STXBP5L: variants seen among roughly 807,000 people sequenced by gnomAD.
The protein encoded by STXBP5L is syntaxin binding protein 5L.
STXBP5L carries 65 observed loss-of-function variants against 144.5 expected under a neutral mutation model. The observed-to-expected ratio is 0.45, with a 90% confidence interval of 0.37 to 0.55. STXBP5L has a LOEUF of 0.55. Among genes scored for constraint, STXBP5L ranks in the 20% least tolerant of loss-of-function variants. The pLI is 0.00. For synonymous variants in STXBP5L, 505 were observed against 469.6 expected, an observed-to-expected ratio of 1.08 and a Z score of -0.97; for missense variants, 1,298 against 1,405.5, an observed-to-expected ratio of 0.92 and a Z score of 1.22.
intron 3 of STXBP5L, among the ~76,000 whole-genome samples, chr3:121,031,954 A>G (rs752492049): frequency 3.3e-5 from 5 of 152,170 alleles, no homozygotes; most frequent in Non-Finnish European, 5.9e-5. Flanking sequence ...GAAAAAGCAA[A>G]GCAGGATTTG....
At position 121,031,401 on chromosome 3, in the gene STXBP5L, CATCA is replaced by C. The variant is rs10650502; in HGVS notation, c.288-10285_288-10282del. Among the ~76,000 whole-genome samples the C allele has an allele frequency of 1.6e-3, 240 of 151,068 alleles. 1 individual carries two copies. The highest frequency in any genetic ancestry group is 3.5e-3 in the Middle Eastern group (1 of 288). On this transcript the variant is annotated intron_variant, in intron 3 of 26. Transcript: ENST00000471454. ...GTATATATTTCTATTTCTGTCTATT[CATCA>C]ATCAATCAATCAACTATCTAGATTG...
At chr3:121,129,119 T>G (rs1375331605) in intron 7 of STXBP5L, among the ~76,000 whole-genome samples, 1 of 152,040 alleles carries the variant, frequency 6.6e-6, no homozygotes, top group Non-Finnish European at 1.5e-5. Context: ...TTGGCCCAAG[T>G]CTAATCTCAC....
At chr3:121,352,785 T>A (rs113762840) in intron 20 of STXBP5L, among the ~76,000 whole-genome samples, 1 of 152,112 alleles carries the variant, frequency 6.6e-6, no homozygotes, top group African/African-American at 2.4e-5. Context: ...TGCTTCCAAT[T>A]TTTGCTCATT....
At chr3:121,353,320 T>G (rs2045374753) in intron 20 of STXBP5L, among the ~76,000 whole-genome samples, 1 of 152,182 alleles carries the variant, frequency 6.6e-6, no homozygotes, top group South Asian at 2.1e-4. Flanking sequence ...CCTGGACTTT[T>G]TTTCGTTGGT....
chr3:121,383,164 C>G (rs2046356578), intron 22 of STXBP5L, among the ~76,000 whole-genome samples: 1 of 151,936 alleles, frequency 6.6e-6, no homozygotes, highest in African/African-American at 2.4e-5. Context: ...TTGCTGGGTG[C>G]AGTGGCTCAC....
intron 22 of STXBP5L, among the ~76,000 whole-genome samples, chr3:121,389,232 T>C (rs952499995): frequency 6.6e-6 from 1 of 152,244 alleles, no homozygotes; most frequent in African/African-American, 2.4e-5. Context: ...GGATGAGTGG[T>C]GATATCCCTT....
At chr3:121,049,642 C>G (rs572840886) in intron 5 of STXBP5L, 112 of 154,324 alleles carry the variant, frequency 7.3e-4, no homozygotes, top group African/African-American at 2.5e-3. Context: ...GTGTCCCAGG[C>G]CCATGGGTCT....
chr3:121,209,381 C>T (rs1383201699), intron 10 of STXBP5L, among the ~76,000 whole-genome samples: 1 of 152,004 alleles, frequency 6.6e-6, no homozygotes, highest in East Asian at 1.9e-4. Flanking sequence ...AATTTACACT[C>T]CCAACAACAC....
intron 23 of STXBP5L, among the ~76,000 whole-genome samples, chr3:121,412,169 TGACTTAAAGTTTGATG>T (rs1166736095): frequency 6.6e-6 from 1 of 152,102 alleles, no homozygotes; most frequent in Admixed American, 6.6e-5. Context: ...TGTCTTACTG[TGACTTAAAGTTTGATG>T]GAGAGAAAAC....
chr3:121,106,766 G>A (rs2043733326), intron 5 of STXBP5L, among the ~76,000 whole-genome samples: 1 of 152,068 alleles, frequency 6.6e-6, no homozygotes, highest in Non-Finnish European at 1.5e-5. Context: ...CCCAGTAATG[G>A]GATTGCTGGG....
At chr3:121,057,036 A>G (rs1473787208) in intron 5 of STXBP5L, among the ~76,000 whole-genome samples, 1 of 151,210 alleles carries the variant, frequency 6.6e-6, no homozygotes, top group Admixed American at 6.6e-5. Context: ...ACAAATTAGC[A>G]AGATCTTTAG....
chr3:121,210,434 A>G (rs1157227502), intron 10 of STXBP5L, among the ~76,000 whole-genome samples: 2 of 151,952 alleles, frequency 1.3e-5, no homozygotes, highest in Non-Finnish European at 1.5e-5. Flanking sequence ...CTTTAGTTTA[A>G]TTAGATCCCA....
At chr3:121,280,039 A>G in intron 19 of STXBP5L, 83 bp downstream of exon 19, 2 of 1,469,116 alleles carry the variant, frequency 1.4e-6, no homozygotes, top group Non-Finnish European at 1.8e-6. Flanking sequence ...TTCTTCTCTG[A>G]TACTATTCAA....
chr3:120,945,791 G>A (rs186210728), intron 2 of STXBP5L, among the ~76,000 whole-genome samples: 1 of 151,926 alleles, frequency 6.6e-6, no homozygotes, highest in African/African-American at 2.4e-5. Context: ...CTGGGCAAGT[G>A]TTCTTTCAAG....
At chr3:121,108,834 G>C (rs2043839313) in intron 5 of STXBP5L, among the ~76,000 whole-genome samples, 1 of 152,062 alleles carries the variant, frequency 6.6e-6, no homozygotes, top group Non-Finnish European at 1.5e-5. Context: ...CTATAAATCA[G>C]TCTGGTCCTG....
At chr3:121,340,698 T>A (rs1262676227) in intron 20 of STXBP5L, among the ~76,000 whole-genome samples, 1 of 152,062 alleles carries the variant, frequency 6.6e-6, no homozygotes, top group African/African-American at 2.4e-5. Context: ...CCATGGTGTA[T>A]ATGAAGGCAC....
At chr3:121,192,019 A>G (rs1310842216) in intron 9 of STXBP5L, among the ~76,000 whole-genome samples, 1 of 152,178 alleles carries the variant, frequency 6.6e-6, no homozygotes, top group Non-Finnish European at 1.5e-5. Flanking sequence ...CGAGTGCAGC[A>G]CACCAACATG....
intron 3 of STXBP5L, among the ~76,000 whole-genome samples, chr3:121,000,670 T>C (rs1023076890): frequency 1.3e-5 from 2 of 152,218 alleles, no homozygotes; most frequent in African/African-American, 4.8e-5. Context: ...ATATGGTCAT[T>C]TGGAGGTAAG....
intron 2 of STXBP5L, among the ~76,000 whole-genome samples, chr3:120,926,753 A>G (rs1709653319): frequency 6.6e-6 from 1 of 151,728 alleles, no homozygotes; most frequent in Admixed American, 6.6e-5. Flanking sequence ...TCCTCTGCGT[A>G]TTTTCAAATA....
Sources: allele counts gnomAD v4.1 joint callset (sites outside exome capture counted in the v4.1 genomes callset), GRCh38; gene constraint gnomAD v4.1.1; transcripts MANE v1.5; gene names NCBI Gene and HGNC (gene_info 2026-07-23, HGNC 2026-07-21).